The following SLC9A7 variants were observed in gnomAD, a reference collection of about 807,000 sequenced individuals.
SLC9A7 encodes the protein solute carrier family 9 member A7, also known as sodium/hydrogen exchanger 7.
In SLC9A7, 19 loss-of-function variants were observed where a neutral mutation model predicts 52.6. The observed-to-expected ratio is 0.36, with a 90% CI of 0.25 to 0.53. SLC9A7 has a LOEUF of 0.53. SLC9A7 is among the 20% of genes least tolerant of loss of function. SLC9A7 has a pLI of 0.91. For synonymous variants in SLC9A7, 226 were observed against 252.1 expected (o/e 0.90, Z 0.98); for missense variants, 455 against 597.9 (o/e 0.76, Z 2.49).
intron 1 of SLC9A7, among the ~76,000 whole-genome samples, chrX:46,712,828 G>A (rs1438483568): frequency 9.0e-6 from 1 of 111,698 alleles, no homozygotes; most frequent in Non-Finnish European, 1.9e-5. Context: ...CTGGGGAAAT[G>A]TTAAATTAGT....
chrX:46,626,712 G>A (rs1407798939), intron 14 of SLC9A7, among the ~76,000 whole-genome samples: 1 of 111,933 alleles, frequency 8.9e-6, no homozygotes, highest in African/African-American at 3.3e-5. Flanking sequence ...TTGTGATAGT[G>A]AGTGAGTTCT....
chrX:46,678,491 C>T (rs1944158430), intron 3 of SLC9A7, among the ~76,000 whole-genome samples: 1 of 106,360 alleles, frequency 9.4e-6, no homozygotes, highest in Non-Finnish European at 1.9e-5. Context: ...GACTGGAGTA[C>T]AGAGACACAA....
At chrX:46,663,467 C>T (rs1232810762) in intron 5 of SLC9A7, among the ~76,000 whole-genome samples, 3 of 105,377 alleles carry the variant, frequency 2.8e-5, no homozygotes, top group Non-Finnish European at 3.9e-5. Flanking sequence ...AGTGAAGCCC[C>T]GTCTCTACTA....
At chrX:46,664,435 G>T (rs923136757) in intron 5 of SLC9A7, among the ~76,000 whole-genome samples, 2 of 111,725 alleles carry the variant, frequency 1.8e-5, no homozygotes, top group African/African-American at 6.5e-5. Context: ...GATTAGCCAG[G>T]TTTTTCTGTT....
At position 46,643,345 on chromosome X, in the gene SLC9A7, C is replaced by T; in HGVS notation, c.1507G>A (p.Ala503Thr). 1 of 1,210,791 alleles carries T rather than the reference C, an allele frequency of 8.3e-7. No homozygotes were observed. The highest frequency in any genetic ancestry group is 1.1e-6 in the Non-Finnish European group (1 of 894,663). ...MAFALAIRDT[A>T]SYARQMMFTT... ...AACATCATCTGGCGAGCATAGGATG[C>T]CGTGTCACGGATGGCCAACGCAAAT... Residue 503 changes from alanine (A) to threonine (T), a missense_variant, in exon 12 of 17, where the codon GCA becomes ACA. By Grantham distance (58) the Ala-to-Thr change is moderately conservative. This residue lies in a region of SLC9A7 where 304 missense variants were observed against 417.8 expected (regional missense o/e 0.73). Transcript: ENST00000616978.
At chrX:46,714,407 G>A (rs1452447642) in intron 1 of SLC9A7, among the ~76,000 whole-genome samples, 4 of 110,921 alleles carry the variant, frequency 3.6e-5, no homozygotes, top group Admixed American at 9.6e-5. Flanking sequence ...TGCCTACTAC[G>A]TTGAAGCCCC....
intron 1 of SLC9A7, among the ~76,000 whole-genome samples, chrX:46,717,568 TG>T (rs1944788506): frequency 1.8e-5 from 2 of 111,094 alleles, no homozygotes; most frequent in Admixed American, 1.9e-4. Flanking sequence ...TTAGTAGAGA[TG>T]GGGCTTCATC....
intron 11 of SLC9A7, among the ~76,000 whole-genome samples, chrX:46,645,933 T>C (rs1943484094): frequency 8.9e-6 from 1 of 111,921 alleles, no homozygotes; most frequent in African/African-American, 3.2e-5. Flanking sequence ...TTATTTCAAC[T>C]GCCACTAGAA....
chrX:46,630,970 CA>C (rs1569504321), intron 14 of SLC9A7, among the ~76,000 whole-genome samples: 1 of 112,569 alleles, frequency 8.9e-6, no homozygotes, highest in Non-Finnish European at 1.9e-5. Flanking sequence ...AAAAGCCCTG[CA>C]CAGACATTCC....
At chrX:46,672,493 T>C in intron 4 of SLC9A7, 58 bp downstream of exon 4, 3 of 921,544 alleles carry the variant, frequency 3.3e-6, no homozygotes, top group Non-Finnish European at 4.7e-6. Context: ...TGGACCCAAA[T>C]GGATCTCATC....
chrX:46,626,831 G>A (rs769849207), intron 14 of SLC9A7, among the ~76,000 whole-genome samples: 208 of 112,233 alleles, frequency 1.9e-3, no homozygotes, highest in African/African-American at 6.2e-3. Flanking sequence ...ATGATTGTGC[G>A]TTTCCTGAGG....
intron 14 of SLC9A7, among the ~76,000 whole-genome samples, chrX:46,627,480 C>T (rs1315072414): frequency 9.0e-6 from 1 of 111,598 alleles, no homozygotes; most frequent in Non-Finnish European, 1.9e-5. Context: ...GCAGATTCTG[C>T]TTCAGTGGGG....
intron 7 of SLC9A7, among the ~76,000 whole-genome samples, chrX:46,657,400 A>G (rs1943720674): frequency 1.8e-5 from 2 of 110,327 alleles, no homozygotes; most frequent in African/African-American, 6.6e-5. Context: ...AATGGACTAA[A>G]TGCTCCAATT....
rs1943041111 is a variant in SLC9A7 at position 46,621,186 on chromosome X, G to C, written c.1741-127C>G. 3 of 402,998 alleles carry C rather than the reference G, an allele frequency of 7.4e-6. No homozygotes were observed. In the Admixed American group the frequency reaches 1.3e-4, roughly 17 times the overall value. The allele number at this position is 402,998 out of a possible 1,213,427, so 33.2% of individuals were successfully genotyped here. The stretch of plus-strand genomic sequence containing the variant: ...TAGTCAAACATCCCATGTCAGCAAA[G>C]TTTCAAAGATATATTGGGAGGTAGC... On this transcript the variant is annotated intron_variant, in intron 14 of 16. Coordinates refer to ENST00000616978, the MANE Select transcript of SLC9A7 (RefSeq NM_001257291.2).
chrX:46,621,686 T>G (rs1410558539), intron 14 of SLC9A7, among the ~76,000 whole-genome samples: 1 of 112,385 alleles, frequency 8.9e-6, no homozygotes, highest in African/African-American at 3.2e-5. Context: ...GCTACTCTCA[T>G]GCCCTTCCAG....
chrX:46,747,193 T>G (rs1760073151), intron 1 of SLC9A7, among the ~76,000 whole-genome samples: 1 of 111,606 alleles, frequency 9.0e-6, no homozygotes, highest in African/African-American at 3.3e-5. Context: ...CATATACAGT[T>G]TGGTGGAAGA....
At chrX:46,722,387 G>A (rs1944874872) in intron 1 of SLC9A7, among the ~76,000 whole-genome samples, 1 of 111,922 alleles carries the variant, frequency 8.9e-6, no homozygotes, top group African/African-American at 3.3e-5. Flanking sequence ...CTGTGACAAT[G>A]TTTGTTAATC....
chrX:46,640,937 G>A (rs1400852098), intron 12 of SLC9A7, among the ~76,000 whole-genome samples: 1 of 112,190 alleles, frequency 8.9e-6, no homozygotes, highest in Non-Finnish European at 1.9e-5. Context: ...CTGCTGGTGG[G>A]AATGTACAAT....
chrX:46,640,428 A>G (rs1464019711), intron 12 of SLC9A7, among the ~76,000 whole-genome samples: 1 of 112,660 alleles, frequency 8.9e-6, no homozygotes, highest in Non-Finnish European at 1.9e-5. Flanking sequence ...ACTTAAATGT[A>G]CAGTGTAAAA....
Sources: allele counts gnomAD v4.1 joint callset (sites outside exome capture counted in the v4.1 genomes callset), GRCh38; gene constraint gnomAD v4.1.1; regional missense constraint gnomAD v4.1.1; transcripts MANE v1.5; gene names NCBI Gene and HGNC (gene_info 2026-07-23, HGNC 2026-07-21).